Variants in SNX7 observed in about 807,000 individuals in gnomAD.
The protein encoded by SNX7 is sorting nexin 7, also known as sorting nexin-7.
A neutral mutation model predicts 48.4 loss-of-function variants in SNX7; 35 were observed. The observed-to-expected ratio is 0.72, with a 90% CI of 0.55 to 0.96. The LOEUF (loss-of-function observed/expected upper bound fraction) is 0.96, where lower values mean the gene tolerates loss of function less well. Among genes scored for constraint, SNX7 ranks in the 40% least tolerant of loss-of-function variants. SNX7 has a pLI of 0.00. For missense variants in SNX7, 553 were observed against 548.9 expected, an observed-to-expected ratio of 1.01 and a Z score of -0.07; for synonymous variants, 190 against 190.2, an observed-to-expected ratio of 1.00 and a Z score of 0.01.
chr1:98,709,782 C>A (rs529234587), intron 7 of SNX7, among the ~76,000 whole-genome samples: 2 of 152,264 alleles, frequency 1.3e-5, no homozygotes, highest in African/African-American at 2.4e-5. Flanking sequence ...TGATCCACTT[C>A]TGTCTAGAAA....
chr1:98,747,095 A>T (rs1654343518), intron 8 of SNX7, among the ~76,000 whole-genome samples: 1 of 152,060 alleles, frequency 6.6e-6, no homozygotes, highest in Non-Finnish European at 1.5e-5. Flanking sequence ...CTTCTGACTT[A>T]AAAAAAGTAA....
intron 8 of SNX7, among the ~76,000 whole-genome samples, chr1:98,750,855 C>A (rs1570611483): frequency 6.6e-6 from 1 of 151,900 alleles, no homozygotes; most frequent in East Asian, 1.9e-4. Flanking sequence ...ATACCAAATG[C>A]TAGGAGGAGA....
intron 8 of SNX7, among the ~76,000 whole-genome samples, chr1:98,744,477 AAG>A (rs1192770956): frequency 6.6e-6 from 1 of 151,982 alleles, no homozygotes; most frequent in Non-Finnish European, 1.5e-5. Flanking sequence ...AAAAAATGTG[AAG>A]AGTTTCCAAA....
chr1:98,708,071 T>A (rs935452907), intron 7 of SNX7, among the ~76,000 whole-genome samples: 1 of 152,350 alleles, frequency 6.6e-6, no homozygotes, highest in South Asian at 2.1e-4. Flanking sequence ...TTCCTTTTCT[T>A]AAATATTTTC....
At chr1:98,714,873 G>A (rs1463647882) in intron 7 of SNX7, among the ~76,000 whole-genome samples, 1 of 152,094 alleles carries the variant, frequency 6.6e-6, no homozygotes, top group Non-Finnish European at 1.5e-5. Flanking sequence ...TTTCAAGTGG[G>A]GAAGAGTTGT....
intron 1 of SNX7, among the ~76,000 whole-genome samples, chr1:98,683,764 G>A (rs1337728345): frequency 6.6e-6 from 1 of 152,116 alleles, no homozygotes; most frequent in African/African-American, 2.4e-5. Flanking sequence ...ATGATGGGGT[G>A]GGGGTTGCAC....
At chr1:98,710,851 T>A (rs1041785876) in intron 7 of SNX7, among the ~76,000 whole-genome samples, 1 of 152,214 alleles carries the variant, frequency 6.6e-6, no homozygotes. Context: ...CATTAATTAT[T>A]CTTTATCCAT....
chr1:98,712,990 CT>C (rs1191670391), intron 7 of SNX7, among the ~76,000 whole-genome samples: 2 of 151,106 alleles, frequency 1.3e-5, no homozygotes, highest in African/African-American at 4.9e-5. Flanking sequence ...ACCCGGGAGG[CT>C]AAGGCAGGAG....
At chr1:98,732,820 C>A (rs1653583476) in intron 7 of SNX7, among the ~76,000 whole-genome samples, 1 of 152,058 alleles carries the variant, frequency 6.6e-6, no homozygotes. Context: ...GATTCCAAAT[C>A]AGTTTAAGCA....
At chr1:98,739,275 T>A (rs1466388045) in intron 8 of SNX7, among the ~76,000 whole-genome samples, 3 of 152,184 alleles carry the variant, frequency 2.0e-5, no homozygotes, top group African/African-American at 7.2e-5. Context: ...GCTCACCTCC[T>A]GCTGTGCGGC....
At position 98,757,062 on chromosome 1, in the gene SNX7, G is replaced by A. The variant is rs72726166; in HGVS notation, c.1279-2992G>A. ...CACCACCTCCACCACTCCTGCATAC[G>A]CCATGCGGCATGCCTGCTACCACCT... On this transcript the variant is annotated intron_variant, in intron 8 of 8. Coordinates refer to ENST00000306121, the MANE Select transcript of SNX7 (RefSeq NM_015976.5). Among the ~76,000 whole-genome samples the A allele has an allele frequency of 6.7e-4, 102 of 152,126 alleles. 3 individuals carry two copies. In the East Asian group the frequency reaches 0.017, roughly 25 times the overall value.
chr1:98,667,340 C>T (rs1649589297), intron 1 of SNX7, among the ~76,000 whole-genome samples: 1 of 151,948 alleles, frequency 6.6e-6, no homozygotes, highest in Non-Finnish European at 1.5e-5. Context: ...GTAAAAATAC[C>T]ATTAAGATAT....
intron 7 of SNX7, among the ~76,000 whole-genome samples, chr1:98,716,272 C>T (rs1423127640): frequency 6.6e-6 from 1 of 152,104 alleles, no homozygotes; most frequent in East Asian, 1.9e-4. Context: ...CCTCCTATCC[C>T]CATATGGTGC....
chr1:98,748,478 G>T (rs12118178), intron 8 of SNX7, among the ~76,000 whole-genome samples: 1 of 151,770 alleles, frequency 6.6e-6, no homozygotes, highest in Non-Finnish European at 1.5e-5. Flanking sequence ...GTTAATCAGG[G>T]ATTTGCGTAG....
intron 7 of SNX7, among the ~76,000 whole-genome samples, chr1:98,736,499 G>A (rs1268999801): frequency 2.6e-5 from 4 of 152,104 alleles, no homozygotes; most frequent in Non-Finnish European, 4.4e-5. Context: ...TAGTTATTCA[G>A]TAACATCCCA....
chr1:98,689,544 A>G (rs796656840), intron 2 of SNX7, among the ~76,000 whole-genome samples: 2 of 152,148 alleles, frequency 1.3e-5, no homozygotes, highest in South Asian at 2.1e-4. Flanking sequence ...TTTTATGCTT[A>G]CTTAAAATGT....
At position 98,694,810 on chromosome 1, in the gene SNX7, G is replaced by A. The variant is rs139006775; in HGVS notation, c.640-708G>A. ...TTTTTAGTAGAGAGGGAGTTTCACC[G>A]TGTTAGCCAGGGTAGTCTCGATCTC... On this transcript the variant is annotated intron_variant, in intron 4 of 8. Coordinates refer to ENST00000306121, the MANE Select transcript of SNX7 (RefSeq NM_015976.5). Among the ~76,000 whole-genome samples the A allele has an allele frequency of 5.9e-5, 9 of 151,330 alleles. No homozygotes were observed. In the South Asian group the frequency reaches 6.3e-4, roughly 11 times the overall value.
chr1:98,735,210 G>T (rs1233749907), intron 7 of SNX7, among the ~76,000 whole-genome samples: 1 of 152,076 alleles, frequency 6.6e-6, no homozygotes. Context: ...TCAACTAAGG[G>T]GAAGGACATC....
rs540696078 is a variant in SNX7, at chr1:98,751,532, A to G, written c.1279-8522A>G. On this transcript the variant is annotated intron_variant, in intron 8 of 8. Transcript: ENST00000306121. ...TTCTCTGAGTTCTCTCCTCAAAGAG[A>G]AATTGCACTTGACTTTGGCTACAAC... Among the ~76,000 whole-genome samples, 8 of 152,120 alleles carry G rather than the reference A, an allele frequency of 5.3e-5. No homozygotes were observed. In the East Asian group the frequency reaches 1.6e-3, roughly 30 times the overall value.
Sources: gnomAD v4.1 joint callset for allele counts (sites outside exome capture counted in the v4.1 genomes callset) on GRCh38, gnomAD v4.1.1 for gene constraint, MANE v1.5 for transcripts, NCBI Gene and HGNC (gene_info 2026-07-23, HGNC 2026-07-21) for gene names.